Variants in DERL2 observed in about 807,000 individuals in gnomAD.
The protein encoded by DERL2 is derlin 2.
Under a neutral mutation model 32.0 loss-of-function variants are expected in DERL2, and 13 were observed. The observed-to-expected ratio is 0.41, with a 90% CI of 0.26 to 0.65. The LOEUF (loss-of-function observed/expected upper bound fraction) is 0.65. DERL2 is among the 30% of genes least tolerant of loss of function. The pLI, the probability that DERL2 is intolerant of heterozygous loss-of-function variation, is 0.35. For missense variants in DERL2, 208 were observed against 296.3 expected (o/e 0.70, Z 2.19); for synonymous variants, 111 against 104.7 (o/e 1.06, Z -0.37).
chr17:5,480,238 T>C lies in DERL2; in HGVS notation c.524-94A>G, dbSNP rs1240316611. Reference sequence around the variant, plus strand: ...ACAAATTGCCTATATTTAGGATGAATGTCAACATAATTATTAAAAATTAAT... The same window carrying C: ...ACAAATTGCCTATATTTAGGATGAACGTCAACATAATTATTAAAAATTAAT... On this transcript the variant is annotated intron_variant, in intron 5 of 6. Transcript: ENST00000158771. The C allele has an allele frequency of 4.9e-6, 6 of 1,224,558 alleles. No homozygotes were observed. In the East Asian group the frequency reaches 1.4e-4, roughly 29 times the overall value. 75.9% of individuals were successfully genotyped at this position (1,224,558 alleles called of 1,614,324 possible).
chr17:5,480,206 T>A (rs1267196403), intron 5 of DERL2, 62 bp from the exon 6 acceptor site: 2 of 1,284,962 alleles, frequency 1.6e-6, no homozygotes, highest in East Asian at 4.7e-5. Context: ...CAGGTAGACC[T>A]ACCAACACAA....
Position 5,481,684 on chromosome 17 carries a change from C to T in DERL2, c.234-295G>A, listed in dbSNP as rs1905795045. Among the ~76,000 whole-genome samples the T allele has an allele frequency of 2.0e-5, 3 of 151,758 alleles. No homozygotes were observed. The South Asian group carries it at 6.2e-4, about 31-fold the overall frequency. ...TTTTCTTTTGAGACAGAGTCTCGCT[C>T]TGTCACCTAGGATGGAGTGCAATGG... On this transcript the variant is annotated intron_variant, in intron 3 of 6. Coordinates refer to ENST00000158771, the MANE Select transcript of DERL2 (RefSeq NM_016041.5). The surrounding 1 kb of genome is among the most constrained non-coding windows in gnomAD (Gnocchi z 4.4).
At chr17:5,479,095 C>T (rs1905586194) in intron 6 of DERL2, among the ~76,000 whole-genome samples, 2 of 152,152 alleles carry the variant, frequency 1.3e-5, no homozygotes, top group African/African-American at 4.8e-5. Context: ...GCTGGGATTA[C>T]AGGAATGTGT....
chr17:5,486,588 C>T (rs1359366192), upstream of DERL2: 7 of 158,088 alleles, frequency 4.4e-5, no homozygotes, highest in Admixed American at 3.2e-4. Context: ...TTTGGGGAGC[C>T]AACCGCGCCG....
At chr17:5,479,163 G>T (rs1167700756) in intron 6 of DERL2, among the ~76,000 whole-genome samples, 1 of 152,166 alleles carries the variant, frequency 6.6e-6, no homozygotes, top group Non-Finnish European at 1.5e-5. Context: ...AAGAAGAGCA[G>T]TGGCTGTTCA....
At position 5,482,822 on chromosome 17, in the gene DERL2, T is replaced by G; in HGVS notation, c.220A>C (p.Asn74His). ...AATAAAGGATACAGAAAAATCATGT[T>G]AAATAAAAAATTGAATCCAACTGGC... ...FGPVGFNFLF[N>H]MIFLYRYCRM... is the part of the protein sequence containing the mutation. Residue 74 changes from asparagine (N) to histidine (H), a missense_variant, in exon 3 of 7, where the codon AAC (asparagine) becomes CAC (histidine). This residue lies in a region of DERL2 where 124 missense variants were observed against 215.3 expected (regional missense o/e 0.58). Coordinates refer to ENST00000158771, the MANE Select transcript of DERL2 (RefSeq NM_016041.5). The G allele has an allele frequency of 6.7e-7, 1 of 1,503,290 alleles. No homozygotes were observed. The highest frequency in any genetic ancestry group is 9.1e-7 in the Non-Finnish European group (1 of 1,098,846). The allele number at this position is 1,503,290 out of a possible 1,614,324, so 93.1% of individuals were successfully genotyped here.
chr17:5,479,496 TAAAAAAAAAAAA>T (rs11306765), intron 6 of DERL2, among the ~76,000 whole-genome samples: 11,603 of 69,976 alleles, frequency 0.17, 723 homozygotes, highest in East Asian at 0.39. Flanking sequence ...AGACTCCATG[TAAAAAAAAAAAA>T]AAAAAAAAAA....
intron 6 of DERL2, among the ~76,000 whole-genome samples, chr17:5,478,414 A>T (rs1208583763): frequency 6.6e-6 from 1 of 152,190 alleles, no homozygotes; most frequent in Non-Finnish European, 1.5e-5. Flanking sequence ...GTTTCAAAAC[A>T]TTTTTTAAAA....
In DERL2 at chr17:5,481,647, ATTC is replaced by A. The variant is rs1464306715; in HGVS notation, c.234-261_234-259del. ...CACACAGACATGCTTTCAGTCCCCT[ATTC>A]TTTTTTTTTTTTCTTTTGAGACAGA... is the stretch of plus-strand genomic sequence containing the variant. On this transcript the variant is annotated intron_variant, in intron 3 of 6. Coordinates refer to ENST00000158771, the MANE Select transcript of DERL2 (RefSeq NM_016041.5). This position sits in a 1 kb window ranked among gnomAD's most constrained non-coding sequence, Gnocchi z 4.4. Among the ~76,000 whole-genome samples, 1 of 149,828 alleles carries A rather than the reference ATTC, an allele frequency of 6.7e-6. No individual in the cohort carries two copies. Among genetic ancestry groups the A allele is most frequent in the African/African-American group, 2.4e-5 (1 of 40,822 alleles).
chr17:5,480,061 A>T lies in DERL2; in HGVS notation c.607T>A (p.Ser203Thr). ...CTGGTGTTAAATACTCACAAAATAG[A>T]TGGTGTTTTCAGAATTCTTATTCCA... is the stretch of plus-strand genomic sequence containing the variant. ...PGGIRILKTP[S>T]ILKAIFDTPD... Residue 203 changes from serine (S) to threonine (T), a missense_variant, in exon 6 of 7, where the codon TCT becomes ACT. Ser to Thr is a moderately conservative substitution (Grantham distance 58). Around this residue, in one of 3 missense-constraint regions of DERL2, gnomAD observed 124 missense variants for 215.3 expected, o/e 0.58. Coordinates refer to ENST00000158771, the MANE Select transcript of DERL2 (RefSeq NM_016041.5). 1.3e-6 allele frequency: 2 copies of T among 1,593,392 alleles called. No homozygotes were observed. Among genetic ancestry groups the T allele is most frequent in the Non-Finnish European group, 1.7e-6 (2 of 1,162,806 alleles).
rs1185662839 is a variant in DERL2 at position 5,481,114 on chromosome 17, TC to T, written c.327+181del. 2 of 635,140 alleles carry T rather than the reference TC, an allele frequency of 3.1e-6. No homozygotes were observed. The highest frequency in any genetic ancestry group is 5.6e-6 in the Non-Finnish European group (2 of 358,916). 39.3% of individuals were successfully genotyped at this position (635,140 alleles called of 1,614,324 possible). On this transcript the variant is annotated intron_variant, in intron 4 of 6. Coordinates refer to ENST00000158771, the MANE Select transcript of DERL2 (RefSeq NM_016041.5). This position sits in a 1 kb window ranked among gnomAD's most constrained non-coding sequence, Gnocchi z 4.4. ...ACAGTAACCCACCTGGGTTAAAAGT[TC>T]CTTTGACTTGCTCATCCTGTCCGAC...
chr17:5,478,783 G>T (rs1168566166), intron 6 of DERL2, among the ~76,000 whole-genome samples: 2 of 152,128 alleles, frequency 1.3e-5, no homozygotes, highest in Non-Finnish European at 2.9e-5. Flanking sequence ...ACACTTCAGG[G>T]TGGAAAAAAC....
chr17:5,473,634 ACAAAACAAAAC>A lies in DERL2; in HGVS notation c.*1039_*1049del. 7.4e-6 allele frequency: 1 copy of A among 135,420 alleles called. No homozygotes were observed. The highest frequency in any genetic ancestry group is 1.5e-5 in the Non-Finnish European group (1 of 66,006). The allele number at this position is 135,420 out of a possible 1,614,324, so 8.4% of individuals were successfully genotyped here. A position where few individuals can be genotyped will look rare whatever the true frequency, so the allele number is the denominator to read the frequency against. ...TTTTTTTTAATTAAAAAAACAAAAA[ACAAAACAAAAC>A]AAAAAAGGCAAAAAAAAAAAAAATG... is the stretch of plus-strand genomic sequence containing the variant. On this transcript the variant is annotated 3_prime_UTR_variant, in exon 7 of 7. Transcript: ENST00000158771.
chr17:5,477,872 T>A (rs552554427), intron 6 of DERL2: 1 of 152,318 alleles, frequency 6.6e-6, no homozygotes, highest in African/African-American at 2.4e-5. Flanking sequence ...CTCTGTTCAC[T>A]GAGAGGATCT....
intron 6 of DERL2, among the ~76,000 whole-genome samples, chr17:5,476,484 T>C (rs981340712): frequency 2.0e-5 from 3 of 152,136 alleles, no homozygotes; most frequent in Admixed American, 6.5e-5. Context: ...GGAAAGTATA[T>C]TAGAAACTGA....
chr17:5,475,807 G>A (rs566212996), intron 6 of DERL2, among the ~76,000 whole-genome samples: 23 of 152,130 alleles, frequency 1.5e-4, no homozygotes, highest in Non-Finnish European at 2.5e-4. Flanking sequence ...AGGACTTTAC[G>A]CTAAATGAAA....
At chr17:5,480,950 A>G in intron 4 of DERL2, 1 of 525,686 alleles carries the variant, frequency 1.9e-6, no homozygotes, top group Non-Finnish European at 3.3e-6. Flanking sequence ...ACCGTACCAT[A>G]TCTAAGTCTA....
upstream of DERL2, chr17:5,486,308 A>G (rs987579922): frequency 8.3e-6 from 5 of 601,212 alleles, no homozygotes; most frequent in East Asian, 6.6e-5. Context: ...CGCAATCCGT[A>G]GAGACCTAAG....
At position 5,474,550 on chromosome 17, in the gene DERL2, T is replaced by A; in HGVS notation, c.*134A>T. The stretch of plus-strand genomic sequence containing the variant: ...GTCTTCTGGATTAGTCAGTGTACCA[T>A]TTCATAAAGTGCTTCTGGAGTTAAA... On this transcript the variant is annotated 3_prime_UTR_variant, in exon 7 of 7. Coordinates refer to ENST00000158771, the MANE Select transcript of DERL2 (RefSeq NM_016041.5). This position sits in a 1 kb window ranked among gnomAD's most constrained non-coding sequence, Gnocchi z 4.3. The A allele has an allele frequency of 1.5e-6, 1 of 657,730 alleles. No individual in the cohort carries two copies. The highest frequency in any genetic ancestry group is 2.0e-5 in the South Asian group (1 of 51,250). The allele number at this position is 657,730 out of a possible 1,614,324, so 40.7% of individuals were successfully genotyped here. A position where few individuals can be genotyped will look rare whatever the true frequency, so the allele number is the denominator to read the frequency against.
Sources: gnomAD v4.1 joint callset for allele counts (sites outside exome capture counted in the v4.1 genomes callset) on GRCh38, gnomAD v4.1.1 for gene constraint, gnomAD v4.1.1 regional missense constraint, Gnocchi (gnomAD v3.1) non-coding constraint, MANE v1.5 for transcripts, NCBI Gene and HGNC (gene_info 2026-07-23, HGNC 2026-07-21) for gene names.